The following PAQR3 variants were observed in gnomAD, a reference collection of about 807,000 sequenced individuals.
PAQR3 encodes the protein Raf kinase trapping to Golgi.
In PAQR3, 39 loss-of-function variants were observed where a neutral mutation model predicts 41.7. That is an observed-to-expected ratio of 0.93 (90% CI 0.72 to 1.22). The LOEUF is 1.22. Ranked by LOEUF, PAQR3 falls within the 50% of genes most tolerant of loss-of-function variation. The probability of loss-of-function intolerance (pLI) is 0.00; values close to 1 mark genes in which losing one functional copy is unlikely to be tolerated. For synonymous variants in PAQR3, 140 were observed against 140.6 expected, an observed-to-expected ratio of 1.00 and a Z score of 0.03; for missense variants, 366 against 385.6, an observed-to-expected ratio of 0.95 and a Z score of 0.42.
chr4:78,931,185 TAA>T (rs1553925635), intron 2 of PAQR3, among the ~76,000 whole-genome samples: 2 of 115,036 alleles, frequency 1.7e-5, no homozygotes, highest in South Asian at 2.8e-4. Context: ...CCTCATTTCT[TAA>T]AAAAAAAAAA....
chr4:78,906,222 C>T (rs1242532199), intron 10 of PAQR3: 3 of 152,078 alleles, frequency 2.0e-5, no homozygotes, highest in Admixed American at 1.3e-4. Context: ...CTCATTACTG[C>T]TCTTTACTTT....
intron 1 of PAQR3, among the ~76,000 whole-genome samples, chr4:78,937,575 C>A (rs995445783): frequency 2.0e-5 from 3 of 152,178 alleles, no homozygotes; most frequent in Admixed American, 2.0e-4. Flanking sequence ...TTATTAGGTT[C>A]CAGGCCATGT....
chr4:78,916,659 CAA>C lies in PAQR3; in HGVS notation c.*3878_*3879del. The C allele has an allele frequency of 6.6e-6, 1 of 151,974 alleles. No individual in the cohort carries two copies. The highest frequency in any genetic ancestry group is 3.4e-3 in the Middle Eastern group (1 of 294). The allele number at this position is 151,974 out of a possible 1,614,324, so 9.4% of individuals were successfully genotyped here. On this transcript the variant is annotated 3_prime_UTR_variant, in exon 6 of 6. Coordinates refer to ENST00000512733, the MANE Select transcript of PAQR3 (RefSeq NM_001040202.2). The stretch of plus-strand genomic sequence containing the variant: ...TCGAGTGATGACAGTAAGGCAAAAA[CAA>C]TATTGTGTAGTGCCTTCTGAATAAC...
chr4:78,892,490 G>T (rs1003805358), intron 11 of PAQR3, among the ~76,000 whole-genome samples: 2 of 152,086 alleles, frequency 1.3e-5, no homozygotes, highest in African/African-American at 4.8e-5. Flanking sequence ...ACTTGCTAAG[G>T]TATTAATCTC....
At chr4:78,891,486 T>G (rs1413576826) in intron 11 of PAQR3, among the ~76,000 whole-genome samples, 1 of 152,220 alleles carries the variant, frequency 6.6e-6, no homozygotes, top group African/African-American at 2.4e-5. Context: ...CTTTCTTCTT[T>G]TAAAATCATT....
At chr4:78,930,433 A>G (rs1012824988) in intron 2 of PAQR3, 108 bp from the exon 3 acceptor site, 4 of 1,139,126 alleles carry the variant, frequency 3.5e-6, no homozygotes, top group Non-Finnish European at 4.8e-6. Context: ...TCAAACATTT[A>G]TGGGCTTGGA....
intron 2 of PAQR3, among the ~76,000 whole-genome samples, chr4:78,931,694 G>A (rs1440849445): frequency 6.6e-6 from 1 of 152,142 alleles, no homozygotes; most frequent in African/African-American, 2.4e-5. Context: ...GGGTGGGACT[G>A]GTGGGAAGAA....
intron 1 of PAQR3, 129 bp downstream of exon 1, chr4:78,938,911 G>A: frequency 1.2e-6 from 1 of 863,724 alleles, no homozygotes; most frequent in Non-Finnish European, 1.8e-6. Flanking sequence ...CGGCAAAAAG[G>A]GATGAAAAGG....
chr4:78,910,480 C>CA (rs1734529229), downstream of PAQR3: 1 of 759,552 alleles, frequency 1.3e-6, no homozygotes, highest in Non-Finnish European at 2.0e-6. Context: ...GAATTGACAA[C>CA]ATTATTTTTT....
downstream of PAQR3, chr4:78,911,603 G>A (rs1231973566): frequency 3.1e-6 from 5 of 1,613,762 alleles, no homozygotes; most frequent in Non-Finnish European, 4.2e-6. Flanking sequence ...GAGAGGGCTC[G>A]CAGGCACAAA....
Position 78,920,115 on chromosome 4 carries a change from C to T in PAQR3, c.*424G>A, listed in dbSNP as rs537604552. 367 of 986,570 alleles carry T rather than the reference C, an allele frequency of 3.7e-4. No homozygotes were observed. Among genetic ancestry groups the T allele is most frequent in the Admixed American group, 8.6e-4 (14 of 16,234 alleles). The allele number at this position is 986,570 out of a possible 1,614,324, so 61.1% of individuals were successfully genotyped here. A position where few individuals can be genotyped will look rare whatever the true frequency, so the allele number is the denominator to read the frequency against. On this transcript the variant is annotated 3_prime_UTR_variant, in exon 6 of 6. Transcript: ENST00000512733. ...TATCCTAGCTTGCATTAAGCATAGG[C>T]TGAAACAACACTTGCCTTGATTAGG... is the stretch of plus-strand genomic sequence containing the variant.
At chr4:78,933,249 A>G (rs1737097350) in intron 2 of PAQR3, 1 of 456,118 alleles carries the variant, frequency 2.2e-6, no homozygotes, top group Non-Finnish European at 4.4e-6. Flanking sequence ...TATATAGGAC[A>G]CATTCAACAA....
chr4:78,925,270 T>A (rs1304471221), intron 4 of PAQR3, among the ~76,000 whole-genome samples: 1 of 152,190 alleles, frequency 6.6e-6, no homozygotes. Flanking sequence ...GGAATGTGTT[T>A]ATCAAATCTA....
Position 78,895,553 on chromosome 4 carries a change from TA to T in PAQR3, c.*837-7406del, listed in dbSNP as rs561465214. Among the ~76,000 whole-genome samples the T allele has an allele frequency of 7.7e-3, 1,100 of 143,678 alleles. 4 individuals carry two copies. Among genetic ancestry groups the T allele is most frequent in the African/African-American group, 0.017 (684 of 39,398 alleles). The allele number at this position is 143,678 out of a possible 152,430, so 94.3% of individuals were successfully genotyped here. Reference sequence around the variant, plus strand: ...TAGAAGAAATAAAAGAACTGACACCTAAAAAAAAAAGAGGTAATGAAATAAA... The same window carrying T: ...TAGAAGAAATAAAAGAACTGACACCTAAAAAAAAAGAGGTAATGAAATAAA... On this transcript the variant is annotated intron_variant and NMD_transcript_variant, in intron 11 of 12. Transcript: ENST00000342820.
intron 11 of PAQR3, among the ~76,000 whole-genome samples, chr4:78,892,432 C>T (rs914981479): frequency 2.0e-5 from 3 of 152,054 alleles, no homozygotes; most frequent in East Asian, 1.9e-4. Flanking sequence ...TCTGATATTC[C>T]GTTTTTATAC....
intron 1 of PAQR3, among the ~76,000 whole-genome samples, chr4:78,935,786 A>T (rs986689699): frequency 3.9e-5 from 6 of 152,236 alleles, no homozygotes; most frequent in African/African-American, 1.4e-4. Context: ...AGAGCTCATT[A>T]AATACAAATG....
At chr4:78,901,303 C>G (rs754352167) in intron 11 of PAQR3, among the ~76,000 whole-genome samples, 43 of 152,046 alleles carry the variant, frequency 2.8e-4, no homozygotes, top group Non-Finnish European at 5.6e-4. Context: ...TCAAGAAAGC[C>G]TTTTACCTCA....
chr4:78,920,368 G>A lies in PAQR3; in HGVS notation c.*171C>T, dbSNP rs932115453. ...TTAGTAGTTTTAAGGATTTTGTAAAGCAGTTATTACTACAGATCCTTAAGT... is the reference window on the plus strand; with the variant it reads ...TTAGTAGTTTTAAGGATTTTGTAAAACAGTTATTACTACAGATCCTTAAGT... On this transcript the variant is annotated 3_prime_UTR_variant, in exon 6 of 6. Coordinates refer to ENST00000512733, the MANE Select transcript of PAQR3 (RefSeq NM_001040202.2). The A allele has an allele frequency of 1.6e-6, 2 of 1,236,732 alleles. No homozygotes were observed. The highest frequency in any genetic ancestry group is 1.6e-5 in the African/African-American group (1 of 64,240). The allele number at this position is 1,236,732 out of a possible 1,614,324, so 76.6% of individuals were successfully genotyped here.
downstream of PAQR3, chr4:78,911,033 C>A (rs776261781): frequency 5.0e-6 from 8 of 1,613,644 alleles, no homozygotes; most frequent in Non-Finnish European, 6.8e-6. Context: ...AGTGGACCAA[C>A]CCAAGATCTT....
Sources: gnomAD v4.1 joint callset for allele counts (sites outside exome capture counted in the v4.1 genomes callset) on GRCh38, gnomAD v4.1.1 for gene constraint, MANE v1.5 for transcripts, NCBI Gene and HGNC (gene_info 2026-07-23, HGNC 2026-07-21) for gene names.